FHIT: variants seen among roughly 807,000 people sequenced by gnomAD.
FHIT encodes the protein fragile histidine triad diadenosine triphosphatase.
A neutral mutation model predicts 17.9 loss-of-function variants in FHIT; 19 were observed. The ratio of observed to expected loss-of-function variants is 1.06; its 90% confidence interval spans 0.74 to 1.56. The LOEUF is 1.56. Among genes scored for constraint, FHIT ranks in the 40% most tolerant of loss-of-function variants. The probability of loss-of-function intolerance (pLI) is 0.00; values close to 1 mark genes in which losing one functional copy is unlikely to be tolerated. For missense variants in FHIT, 248 were observed against 189.2 expected (o/e 1.31, Z -1.82); for synonymous variants, 81 against 69.7 (o/e 1.16, Z -0.81).
intron 5 of FHIT, among the ~76,000 whole-genome samples, chr3:60,194,870 A>G (rs1006312760): frequency 6.6e-6 from 1 of 152,190 alleles, no homozygotes; most frequent in East Asian, 1.9e-4. Flanking sequence ...AATGCAAATT[A>G]AAACCACAGT....
chr3:60,625,274 A>G (rs567950785), intron 4 of FHIT, among the ~76,000 whole-genome samples: 48 of 152,314 alleles, frequency 3.2e-4, no homozygotes, highest in African/African-American at 9.9e-4. Context: ...TTGAGTGGAC[A>G]TATGTTTTCA....
At chr3:59,766,069 A>T (rs1281525120) in intron 8 of FHIT, among the ~76,000 whole-genome samples, 2 of 152,228 alleles carry the variant, frequency 1.3e-5, no homozygotes, top group East Asian at 3.9e-4. Flanking sequence ...AGGATGCTGG[A>T]CTGACTCCAT....
chr3:60,855,277 G>T (rs929179965), intron 3 of FHIT, among the ~76,000 whole-genome samples: 1 of 152,100 alleles, frequency 6.6e-6, no homozygotes, highest in South Asian at 2.1e-4. Context: ...TCAGTAGTAG[G>T]CATGTGACCT....
chr3:59,840,436 A>G (rs114716469), intron 8 of FHIT, among the ~76,000 whole-genome samples: 4,370 of 151,950 alleles, frequency 0.029, 205 homozygotes, highest in African/African-American at 0.1. Flanking sequence ...CAAAATTTCA[A>G]TGAGGAATCT....
chr3:60,357,810 ACATGGC>A (rs60107146), intron 5 of FHIT, among the ~76,000 whole-genome samples: 44,905 of 151,856 alleles, frequency 0.3, 7,614 homozygotes, highest in South Asian at 0.44. Flanking sequence ...ACGCTTAATC[ACATGGC>A]CATCATAGTC....
intron 8 of FHIT, among the ~76,000 whole-genome samples, chr3:59,890,456 G>A (rs932496770): frequency 6.6e-6 from 1 of 152,186 alleles, no homozygotes; most frequent in African/African-American, 2.4e-5. Context: ...TCAAGGAAAG[G>A]CTGGGTTTAG....
chr3:60,220,722 CAACAAAAATT>C (rs2107532737), intron 5 of FHIT, among the ~76,000 whole-genome samples: 1 of 152,156 alleles, frequency 6.6e-6, no homozygotes, highest in South Asian at 2.1e-4. Context: ...TGCATGGTGG[CAACAAAAATT>C]CAGGGATCAT....
intron 5 of FHIT, among the ~76,000 whole-genome samples, chr3:60,461,461 T>G (rs1235546907): frequency 2.0e-5 from 3 of 152,242 alleles, no homozygotes; most frequent in African/African-American, 7.2e-5. Flanking sequence ...TATGTCATCT[T>G]GTTCTCATTG....
intron 8 of FHIT, among the ~76,000 whole-genome samples, chr3:59,861,483 T>C (rs1702402523): frequency 6.6e-6 from 1 of 152,194 alleles, no homozygotes; most frequent in Non-Finnish European, 1.5e-5. Context: ...TTTTTGAAAA[T>C]GCAGAAACTC....
chr3:59,858,840 TTTGAA>T (rs1347743924), intron 8 of FHIT, among the ~76,000 whole-genome samples: 1 of 152,174 alleles, frequency 6.6e-6, no homozygotes, highest in Non-Finnish European at 1.5e-5. Flanking sequence ...AAGACTTAGA[TTTGAA>T]TTGAAGATAC....
intron 4 of FHIT, among the ~76,000 whole-genome samples, chr3:60,737,990 C>T (rs1387810633): frequency 6.6e-6 from 1 of 152,152 alleles, no homozygotes; most frequent in Non-Finnish European, 1.5e-5. Context: ...TTAAACTGCA[C>T]TCACCTGATT....
chr3:60,693,877 CTCTT>C (rs1559644918), intron 4 of FHIT, among the ~76,000 whole-genome samples: 1 of 152,190 alleles, frequency 6.6e-6, no homozygotes, highest in Non-Finnish European at 1.5e-5. Flanking sequence ...GGTGGCATAG[CTCTT>C]TAGCTACACC....
intron 5 of FHIT, among the ~76,000 whole-genome samples, chr3:60,214,750 A>G (rs928452383): frequency 6.6e-6 from 1 of 152,228 alleles, no homozygotes; most frequent in African/African-American, 2.4e-5. Context: ...AATAGCAAAG[A>G]CACGGAATCA....
chr3:60,352,844 C>T (rs1699475637), intron 5 of FHIT, among the ~76,000 whole-genome samples: 1 of 152,060 alleles, frequency 6.6e-6, no homozygotes, highest in Non-Finnish European at 1.5e-5. Context: ...GTCCTACTTA[C>T]CCAGTTTTGT....
At chr3:60,850,871 A>C (rs1703126982) in intron 3 of FHIT, among the ~76,000 whole-genome samples, 1 of 152,074 alleles carries the variant, frequency 6.6e-6, no homozygotes, top group Admixed American at 6.6e-5. Context: ...CCTTATTGGT[A>C]TTTTTCAGTA....
chr3:60,620,326 C>G (rs1234019115), intron 4 of FHIT, among the ~76,000 whole-genome samples: 1 of 152,158 alleles, frequency 6.6e-6, no homozygotes, highest in African/African-American at 2.4e-5. Flanking sequence ...AAACTTATTT[C>G]TACACAAAAA....
At chr3:60,788,458 T>C (rs1270565318) in intron 4 of FHIT, among the ~76,000 whole-genome samples, 4 of 152,220 alleles carry the variant, frequency 2.6e-5, no homozygotes, top group Non-Finnish European at 4.4e-5. Flanking sequence ...AATGTATATG[T>C]GTATATATAT....
At chr3:60,061,995 C>T (rs172454) in intron 5 of FHIT, among the ~76,000 whole-genome samples, 116,046 of 152,138 alleles carry the variant, frequency 0.76, 45,688 homozygotes, top group African/African-American at 0.87. Flanking sequence ...AATGAAGATA[C>T]GTCTCATGTC....
chr3:61,033,460 T>A (rs1200099542), intron 3 of FHIT, among the ~76,000 whole-genome samples: 1 of 152,184 alleles, frequency 6.6e-6, no homozygotes, highest in Non-Finnish European at 1.5e-5. Context: ...TTATATTGAT[T>A]ACAGGGAAAA....
Sources: allele counts gnomAD v4.1 joint callset (sites outside exome capture counted in the v4.1 genomes callset), GRCh38; gene constraint gnomAD v4.1.1; transcripts MANE v1.5; gene names NCBI Gene and HGNC (gene_info 2026-07-23, HGNC 2026-07-21).